The following GTPBP1 variants were observed in gnomAD, a reference collection of about 807,000 sequenced individuals.
The protein encoded by GTPBP1 is GTP binding protein 1, also known as GTP-binding protein 1.
Under a neutral mutation model 62.0 loss-of-function variants are expected in GTPBP1, and 23 were observed. That is an observed-to-expected ratio of 0.37 (90% CI 0.27 to 0.53). The LOEUF (loss-of-function observed/expected upper bound fraction) is 0.53, where lower values mean the gene tolerates loss of function less well. Among genes scored for constraint, GTPBP1 ranks in the 20% least tolerant of loss-of-function variants. The pLI, the probability that GTPBP1 is intolerant of heterozygous loss-of-function variation, is 0.89. For missense variants in GTPBP1, 640 were observed against 917.3 expected (o/e 0.70, Z 3.90); for synonymous variants, 344 against 364.4 (o/e 0.94, Z 0.64).
At position 38,730,707 on chromosome 22, in the gene GTPBP1, CT is replaced by C; in HGVS notation, c.*5del. 6.5e-7 allele frequency: 1 copy of C among 1,544,942 alleles called. No homozygotes were observed. Among genetic ancestry groups the C allele is most frequent in the Non-Finnish European group, 8.8e-7 (1 of 1,133,692 alleles). On this transcript the variant is annotated 3_prime_UTR_variant, in exon 12 of 12. Coordinates refer to ENST00000216044, the MANE Select transcript of GTPBP1 (RefSeq NM_004286.5). The surrounding 1 kb of genome is among the most constrained non-coding windows in gnomAD (Gnocchi z 5.6). Reference sequence around the variant, plus strand: ...TGACTCCTGCCAGCGGCTGCTGAACCTTCCCCTGGCCCACCCTCACCACCCA... The same window carrying C: ...TGACTCCTGCCAGCGGCTGCTGAACCTCCCCTGGCCCACCCTCACCACCCA...
downstream of GTPBP1, chr22:38,740,274 C>A: frequency 6.3e-7 from 1 of 1,590,086 alleles, no homozygotes; most frequent in East Asian, 2.3e-5. This position sits in a 1 kb window ranked among gnomAD's most constrained non-coding sequence, Gnocchi z 4.8. Flanking sequence ...CACGTCGTCC[C>A]GCACGGCCTG....
downstream of GTPBP1, chr22:38,736,626 C>A (rs578107992): frequency 2.8e-6 from 1 of 354,910 alleles, no homozygotes; most frequent in Non-Finnish European, 5.1e-6. Context: ...CATCCACAAT[C>A]GTTTTTTTAT....
chr22:38,740,174 C>T (rs1357559798), downstream of GTPBP1: 2 of 1,416,506 alleles, frequency 1.4e-6, no homozygotes, highest in African/African-American at 1.4e-5. The surrounding 1 kb of genome is among the most constrained non-coding windows in gnomAD (Gnocchi z 4.8). Context: ...ACAGAGGCTG[C>T]AGGGGCAAGG....
rs2092771824 is a variant in GTPBP1 at position 38,733,153 on chromosome 22, T to C, written c.*2449T>C. ...TGTCTCTTGGCTGCTTCACTCCTGC[T>C]CTTTGTCCCGACTCTGGCCCTGCTT... On this transcript the variant is annotated 3_prime_UTR_variant, in exon 12 of 12. Coordinates refer to ENST00000216044, the MANE Select transcript of GTPBP1 (RefSeq NM_004286.5). 6.6e-6 allele frequency: 1 copy of C among 152,268 alleles called. No individual in the cohort carries two copies. Among genetic ancestry groups the C allele is most frequent in the Non-Finnish European group, 1.5e-5 (1 of 68,072 alleles). The allele number at this position is 152,268 out of a possible 1,614,324, so 9.4% of individuals were successfully genotyped here.
downstream of GTPBP1, chr22:38,741,187 A>G: frequency 2.1e-6 from 2 of 955,226 alleles, no homozygotes; most frequent in South Asian, 2.8e-5. Context: ...AGCAAAAATC[A>G]AACTGGCCTC....
At chr22:38,715,549 G>T (rs2092664889) in intron 2 of GTPBP1, among the ~76,000 whole-genome samples, 1 of 152,172 alleles carries the variant, frequency 6.6e-6, no homozygotes, top group African/African-American at 2.4e-5. Context: ...TGCAGCACTT[G>T]AGCTGTATTG....
chr22:38,739,711 G>A (rs1332244728), downstream of GTPBP1: 24 of 1,612,164 alleles, frequency 1.5e-5, no homozygotes, highest in Non-Finnish European at 2.0e-5. The surrounding 1 kb of genome is among the most constrained non-coding windows in gnomAD (Gnocchi z 6.7). Context: ...AGAGGGGCAT[G>A]TGGGCCTCAC....
intron 1 of GTPBP1, chr22:38,706,534 G>C (rs1855620106): frequency 6.0e-6 from 1 of 165,778 alleles, no homozygotes; most frequent in Non-Finnish European, 1.3e-5. Context: ...CGGAGACCGA[G>C]AGTCTCCTCT....
Position 38,728,052 on chromosome 22 carries a change from A to G in GTPBP1, c.1607A>G (p.Asp536Gly). ...SMDKDCLRTG[D>G]KATVHFRFIK... ...GACAAGGACTGTCTGCGCACTGGGG[A>G]CAAGGCCACTGTACACTTCCGCTTC... Residue 536 changes from aspartate to glycine, a missense_variant, in exon 10 of 12, where the codon GAC becomes GGC. Coordinates refer to ENST00000216044, the MANE Select transcript of GTPBP1 (RefSeq NM_004286.5). 1 of 1,613,032 alleles carries G rather than the reference A, an allele frequency of 6.2e-7. No homozygotes were observed.
intron 5 of GTPBP1, among the ~76,000 whole-genome samples, chr22:38,722,531 C>T (rs1411157717): frequency 6.6e-6 from 1 of 152,128 alleles, no homozygotes; most frequent in East Asian, 1.9e-4. Flanking sequence ...TCTGTAGAAA[C>T]TAGCTAGCCA....
intron 2 of GTPBP1, among the ~76,000 whole-genome samples, chr22:38,710,090 A>G (rs542812990): frequency 1.3e-5 from 2 of 152,362 alleles, no homozygotes; most frequent in East Asian, 3.9e-4. Context: ...TGTCTCTGTC[A>G]TCTTTGCAGG....
rs976766327 is a variant in GTPBP1 at position 38,733,366 on chromosome 22, G to A, written c.*2662G>A. 7.9e-5 allele frequency: 12 copies of A among 152,418 alleles called. No homozygotes were observed. Among genetic ancestry groups the A allele is most frequent in the African/African-American group, 2.9e-4 (12 of 41,598 alleles). The allele number at this position is 152,418 out of a possible 1,614,324, so 9.4% of individuals were successfully genotyped here. On this transcript the variant is annotated 3_prime_UTR_variant, in exon 12 of 12. Coordinates refer to ENST00000216044, the MANE Select transcript of GTPBP1 (RefSeq NM_004286.5). ...AACCATTCTTGGGATTCAGGAGCTC[G>A]GGCGACTGCCTTGGCCTCTGGCCGC...
intron 2 of GTPBP1, among the ~76,000 whole-genome samples, chr22:38,715,588 C>G (rs1186995682): frequency 1.3e-5 from 2 of 152,278 alleles, no homozygotes; most frequent in African/African-American, 4.8e-5. Context: ...TCTGCCTCCC[C>G]CACTGGGCTG....
intron 2 of GTPBP1, among the ~76,000 whole-genome samples, chr22:38,712,975 T>C (rs756760864): frequency 1.5e-4 from 23 of 152,234 alleles, no homozygotes; most frequent in Non-Finnish European, 2.5e-4. Context: ...TGTTGCGGTA[T>C]GTTCCTTGTT....
chr22:38,708,001 T>G (rs544012342), intron 1 of GTPBP1, among the ~76,000 whole-genome samples: 332 of 152,380 alleles, frequency 2.2e-3, no homozygotes, highest in Admixed American at 3.3e-3. Flanking sequence ...ACAAGGTTTT[T>G]CTGGGAATGA....
Position 38,716,597 on chromosome 22 carries a change from C to G in GTPBP1, c.486-55C>G, listed in dbSNP as rs1039479898. On this transcript the variant is annotated intron_variant, in intron 3 of 11. Transcript: ENST00000216044. This position sits in a 1 kb window ranked among gnomAD's most constrained non-coding sequence, Gnocchi z 5.2. ...AATTACTGGGGTTATGATGGTCGCT[C>G]CACCTCACTCATTCACTAACTCTCA... The G allele has an allele frequency of 2.3e-6, 3 of 1,302,256 alleles. No individual in the cohort carries two copies. The highest frequency in any genetic ancestry group is 3.3e-6 in the Non-Finnish European group (3 of 921,934). The allele number at this position is 1,302,256 out of a possible 1,614,324, so 80.7% of individuals were successfully genotyped here. A position where few individuals can be genotyped will look rare whatever the true frequency, so the allele number is the denominator to read the frequency against.
At chr22:38,738,025 C>G (rs1171465836), downstream of GTPBP1, 3 of 767,156 alleles carry the variant, frequency 3.9e-6, no homozygotes, top group Non-Finnish European at 7.0e-6. The surrounding 1 kb of genome is among the most constrained non-coding windows in gnomAD (Gnocchi z 6.6). Flanking sequence ...TGTTACACCC[C>G]ATTTGGATAT....
rs761369129 is a variant in GTPBP1, at chr22:38,726,200, CAG to C, written c.1218+51_1218+52del. The C allele has an allele frequency of 5.0e-5, 80 of 1,609,060 alleles. No individual in the cohort carries two copies. The highest frequency in any genetic ancestry group is 3.5e-4 in the African/African-American group (26 of 74,804). ...GGGTGGGCACTTCCTACAGTGGCAT[CAG>C]GGGGTGGGTCTGTGCTGGGGATGCA... On this transcript the variant is annotated intron_variant, in intron 7 of 11. Coordinates refer to ENST00000216044, the MANE Select transcript of GTPBP1 (RefSeq NM_004286.5). This position sits in a 1 kb window ranked among gnomAD's most constrained non-coding sequence, Gnocchi z 4.1.
rs1254300373 is a variant in GTPBP1 at position 38,705,993 on chromosome 22, C to G, written c.38C>G (p.Pro13Arg). The change falls in exon 1 of 12, where the codon CCG becomes CGG. Residue 13 changes from proline to arginine, a missense_variant. Coordinates refer to ENST00000216044, the MANE Select transcript of GTPBP1 (RefSeq NM_004286.5). The stretch of plus-strand genomic sequence containing the variant: ...CGCAGTCGCTCCGCGATGGACTCGC[C>G]GGTCCCGGCCTCTATGTTCGCCCCC... ...TERSRSAMDSPVPASMFAPEP... is the reference protein window; with the variant it reads ...TERSRSAMDSRVPASMFAPEP... 3 of 1,454,832 alleles carry G rather than the reference C, an allele frequency of 2.1e-6. No individual in the cohort carries two copies. Among genetic ancestry groups the G allele is most frequent in the Non-Finnish European group, 2.7e-6 (3 of 1,102,534 alleles). The allele number at this position is 1,454,832 out of a possible 1,614,324, so 90.1% of individuals were successfully genotyped here. A position where few individuals can be genotyped will look rare whatever the true frequency, so the allele number is the denominator to read the frequency against.
Sources: gnomAD v4.1 joint callset for allele counts (sites outside exome capture counted in the v4.1 genomes callset) on GRCh38, gnomAD v4.1.1 for gene constraint, Gnocchi (gnomAD v3.1) non-coding constraint, MANE v1.5 for transcripts, NCBI Gene and HGNC (gene_info 2026-07-23, HGNC 2026-07-21) for gene names.